ATP2C2: variants seen among roughly 807,000 people sequenced by gnomAD.
The protein encoded by ATP2C2 is calcium-transporting ATPase type 2C member 2.
ATP2C2 carries 171 observed loss-of-function variants against 110.8 expected under a neutral mutation model. The observed-to-expected ratio is 1.54, with a 90% confidence interval of 1.36 to 1.75. The LOEUF (loss-of-function observed/expected upper bound fraction) is 1.75. ATP2C2 is among the 40% of genes most tolerant of loss of function. ATP2C2 has a pLI of 0.00. For synonymous variants in ATP2C2, 804 were observed against 508.4 expected (o/e 1.58, Z -7.82); for missense variants, 1,963 against 1,235.0 (o/e 1.59, Z -8.84).
At chr16:84,420,457 T>A (rs992749671) in intron 7 of ATP2C2, among the ~76,000 whole-genome samples, 14 of 144,108 alleles carry the variant, frequency 9.7e-5, no homozygotes, top group African/African-American at 3.6e-4. Context: ...TCATCTTTGA[T>A]CTCTCCCTTT....
chr16:84,410,577 G>C lies in ATP2C2; in HGVS notation c.427G>C (p.Val143Leu). The C allele has an allele frequency of 6.2e-7, 1 of 1,614,042 alleles. No homozygotes were observed. The highest frequency in any genetic ancestry group is 1.1e-5 in the South Asian group (1 of 91,062). The change falls in exon 5 of 27, where the codon GTC (valine) becomes CTC (leucine). Residue 143 changes from valine (V) to leucine (L), a missense_variant. Transcript: ENST00000262429. ...TCCGTTTGCTGTCTAGGCAGTGCTT[G>C]TCGTGGTCACTGTCGCCTTCATCCA... is the stretch of plus-strand genomic sequence containing the variant. ...DAVSIATAVL[V>L]VVTVAFIQEY...
At chr16:84,409,415 G>A (rs935659892) in intron 4 of ATP2C2, among the ~76,000 whole-genome samples, 1 of 152,176 alleles carries the variant, frequency 6.6e-6, no homozygotes, top group African/African-American at 2.4e-5. Flanking sequence ...AAACCTGCAC[G>A]TTGTGCACAT....
intron 1 of ATP2C2, among the ~76,000 whole-genome samples, chr16:84,374,109 A>G (rs1472518203): frequency 6.6e-6 from 1 of 152,194 alleles, no homozygotes; most frequent in Non-Finnish European, 1.5e-5. Flanking sequence ...ATCTATTTGT[A>G]TGTACTACTA....
In ATP2C2 at chr16:84,438,472, A is replaced by G. The variant is rs548340302; in HGVS notation, c.987-694A>G. Among the ~76,000 whole-genome samples, 19 of 152,354 alleles carry G rather than the reference A, an allele frequency of 1.2e-4. No individual in the cohort carries two copies. In the East Asian group the frequency reaches 3.5e-3, roughly 28 times the overall value. ...CTGTTGACACACCCAGAGAAGGGGT[A>G]TCATGTGCTGCAGCCCCAGTCTCAT... On this transcript the variant is annotated intron_variant, in intron 11 of 26. Coordinates refer to ENST00000262429, the MANE Select transcript of ATP2C2 (RefSeq NM_014861.4).
At chr16:84,414,359 C>G (rs761790566) in intron 6 of ATP2C2, among the ~76,000 whole-genome samples, 10 of 152,218 alleles carry the variant, frequency 6.6e-5, no homozygotes, top group Non-Finnish European at 1.5e-4. Context: ...CACCTTGTGC[C>G]CACTGGGGTT....
chr16:84,460,922 G>A (rs538788218), intron 24 of ATP2C2, 121 bp downstream of exon 24: 145 of 1,350,204 alleles, frequency 1.1e-4, no homozygotes, highest in Middle Eastern at 2.4e-4. Flanking sequence ...TACACACACC[G>A]GACAATGTGA....
chr16:84,414,421 C>G (rs1297684869), intron 6 of ATP2C2, among the ~76,000 whole-genome samples: 1 of 152,144 alleles, frequency 6.6e-6, no homozygotes, highest in African/African-American at 2.4e-5. Flanking sequence ...TGCCACAGCT[C>G]CTTGCATCAC....
At chr16:84,445,640 T>C (rs1276996307) in intron 15 of ATP2C2, among the ~76,000 whole-genome samples, 2 of 152,220 alleles carry the variant, frequency 1.3e-5, no homozygotes, top group Non-Finnish European at 2.9e-5. Flanking sequence ...AACATATCTT[T>C]TGTGGGGTAC....
Position 84,422,369 on chromosome 16 carries a change from CT to C in ATP2C2, c.625-17del. On this transcript the variant is annotated intron_variant, in intron 7 of 26. Transcript: ENST00000262429. ...CGGGGTGACAGAGAGATTCCACAGC[CT>C]TTTCCCCTTGCTCTCCTAGGTCACG... 1.2e-6 allele frequency: 2 copies of C among 1,609,260 alleles called. No individual in the cohort carries two copies. The highest frequency in any genetic ancestry group is 1.1e-5 in the South Asian group (1 of 90,562).
In ATP2C2 at chr16:84,376,255, A is replaced by C. The variant is rs575094992; in HGVS notation, c.99+7541A>C. ...GAAAGGTCTCTGGTTCAAGGAAGGC[A>C]GGTGAGGCGATGAGGTTGCCATGAG... On this transcript the variant is annotated intron_variant, in intron 1 of 26. Transcript: ENST00000262429. 9.8e-5 allele frequency among the ~76,000 whole-genome samples: 15 copies of C among 152,322 alleles called. No homozygotes were observed. In the East Asian group the frequency reaches 2.1e-3, roughly 22 times the overall value.
intron 12 of ATP2C2, 42 bp downstream of exon 12, chr16:84,439,332 A>T (rs754712148): frequency 6.2e-7 from 1 of 1,613,568 alleles, no homozygotes; most frequent in Non-Finnish European, 8.5e-7. Flanking sequence ...CGTGGAATTG[A>T]ATGGGGGCTT....
chr16:84,404,038 G>C (rs989438637), intron 2 of ATP2C2, among the ~76,000 whole-genome samples: 1 of 152,224 alleles, frequency 6.6e-6, no homozygotes, highest in Non-Finnish European at 1.5e-5. Context: ...GCATAGGGCA[G>C]GTAATGGGGG....
rs1450333223 is a variant in ATP2C2 at position 84,460,599 on chromosome 16, G to A, written c.2334-55G>A. ...AGGCTCAGGCACAGCTGTTTCAAGG[G>A]TCCTTTATTTCATTCCTGGTTCATT... is the stretch of plus-strand genomic sequence containing the variant. On this transcript the variant is annotated intron_variant, in intron 23 of 26. Transcript: ENST00000262429. 1.9e-6 allele frequency: 3 copies of A among 1,612,416 alleles called. No individual in the cohort carries two copies. In the African/African-American group the frequency reaches 4.0e-5, roughly 22 times the overall value.
chr16:84,417,985 CT>C (rs1241214487), intron 7 of ATP2C2, among the ~76,000 whole-genome samples: 1 of 152,282 alleles, frequency 6.6e-6, no homozygotes, highest in Admixed American at 6.5e-5. Context: ...AGTAATAGAC[CT>C]TTTTGCACAG....
chr16:84,443,962 T>G (rs1482496237), intron 15 of ATP2C2, among the ~76,000 whole-genome samples: 2 of 151,742 alleles, frequency 1.3e-5, no homozygotes, highest in African/African-American at 2.4e-5. Flanking sequence ...AGGCCAAGAG[T>G]TTGAGACCAG....
intron 21 of ATP2C2, among the ~76,000 whole-genome samples, chr16:84,455,652 C>G (rs1226967979): frequency 6.6e-6 from 1 of 150,592 alleles, no homozygotes; most frequent in Non-Finnish European, 1.5e-5. Context: ...AAGCCTGATA[C>G]AAAAAATCCA....
intron 1 of ATP2C2, among the ~76,000 whole-genome samples, chr16:84,385,387 C>T (rs899547512): frequency 4.6e-5 from 7 of 152,168 alleles, no homozygotes; most frequent in African/African-American, 1.7e-4. Context: ...CCACCAGGCC[C>T]ACCTCCAACA....
intron 1 of ATP2C2, among the ~76,000 whole-genome samples, chr16:84,377,852 C>T (rs1437565243): frequency 6.6e-6 from 1 of 152,132 alleles, no homozygotes; most frequent in African/African-American, 2.4e-5. Context: ...TGTCTTGAGG[C>T]TGCAGCCCCT....
intron 11 of ATP2C2, among the ~76,000 whole-genome samples, chr16:84,430,247 G>A (rs962878): frequency 0.37 from 56,745 of 152,048 alleles, 10,755 homozygotes; most frequent in South Asian, 0.4. Flanking sequence ...CAACAAGCTC[G>A]TTGAAGGAGA....
Sources: allele counts gnomAD v4.1 joint callset (sites outside exome capture counted in the v4.1 genomes callset), GRCh38; gene constraint gnomAD v4.1.1; transcripts MANE v1.5; gene names NCBI Gene and HGNC (gene_info 2026-07-23, HGNC 2026-07-21).